Variants in NRG1 observed in about 807,000 individuals in gnomAD.
NRG1 encodes neuregulin 1, also known as pro-neuregulin-1, membrane-bound isoform.
In NRG1, 18 loss-of-function variants were observed where a neutral mutation model predicts 63.8. The observed-to-expected ratio is 0.28, with a 90% CI of 0.19 to 0.42. NRG1 has a LOEUF of 0.42. Ranked by LOEUF, NRG1 falls within the 10% of genes least tolerant of loss-of-function variation. The pLI, the probability that NRG1 is intolerant of heterozygous loss-of-function variation, is 1.00. For missense variants in NRG1, 762 were observed against 814.7 expected, an observed-to-expected ratio of 0.94 and a Z score of 0.79; for synonymous variants, 302 against 301.3, an observed-to-expected ratio of 1.00 and a Z score of -0.02.
At chr8:31,639,879 G>C (rs1008961880) in intron 1 of NRG1, 3 of 1,093,402 alleles carry the variant, frequency 2.7e-6, no homozygotes, top group East Asian at 6.1e-5. Flanking sequence ...GAGGGCAAGG[G>C]GGGAGGAGGA....
At chr8:32,432,418 A>G (rs556739589) in intron 1 of NRG1, among the ~76,000 whole-genome samples, 65 of 152,304 alleles carry the variant, frequency 4.3e-4, no homozygotes, top group African/African-American at 1.3e-3. Flanking sequence ...AAATTTGCCC[A>G]AGACCACATA....
chr8:32,563,932 T>C (rs1369280234), intron 1 of NRG1, among the ~76,000 whole-genome samples: 1 of 152,166 alleles, frequency 6.6e-6, no homozygotes, highest in Admixed American at 6.5e-5. Context: ...AGGATACCTC[T>C]TAAACTTTCT....
chr8:32,732,816 T>G (rs112584542), intron 6 of NRG1, among the ~76,000 whole-genome samples: 1 of 144,902 alleles, frequency 6.9e-6, no homozygotes, highest in Non-Finnish European at 1.5e-5. Flanking sequence ...TTTTTTTTTT[T>G]TTTTTTGAGA....
chr8:32,505,157 T>A (rs1828370253), intron 1 of NRG1, among the ~76,000 whole-genome samples: 1 of 152,144 alleles, frequency 6.6e-6, no homozygotes, highest in Non-Finnish European at 1.5e-5. Flanking sequence ...AACAGTAAAT[T>A]CTTCTGGTAG....
At chr8:32,175,695 A>G (rs1447513554) in intron 1 of NRG1, among the ~76,000 whole-genome samples, 1 of 152,214 alleles carries the variant, frequency 6.6e-6, no homozygotes, top group Non-Finnish European at 1.5e-5. Flanking sequence ...ATAACAGACA[A>G]ACAGAGAGCC....
At chr8:32,160,938 G>A (rs927170418) in intron 1 of NRG1, among the ~76,000 whole-genome samples, 1 of 152,094 alleles carries the variant, frequency 6.6e-6, no homozygotes, top group African/African-American at 2.4e-5. Context: ...TTATGGACTT[G>A]AATACCTACA....
chr8:32,406,203 A>C (rs891359327), intron 1 of NRG1, among the ~76,000 whole-genome samples: 2 of 152,130 alleles, frequency 1.3e-5, no homozygotes, highest in Non-Finnish European at 2.9e-5. Flanking sequence ...ATGACATAAT[A>C]GTGTCTCTCA....
At chr8:32,250,389 C>T (rs140826500) in intron 1 of NRG1, among the ~76,000 whole-genome samples, 3 of 152,196 alleles carry the variant, frequency 2.0e-5, no homozygotes, top group Non-Finnish European at 4.4e-5. Context: ...ATTAGTGGAT[C>T]ACAGACTTTT....
chr8:32,261,912 C>T (rs901272361), intron 1 of NRG1, among the ~76,000 whole-genome samples: 1 of 152,074 alleles, frequency 6.6e-6, no homozygotes, highest in Non-Finnish European at 1.5e-5. Context: ...GATTCATGCC[C>T]CCAGGCTTAC....
chr8:32,669,969 A>G (rs1427480454), intron 5 of NRG1, among the ~76,000 whole-genome samples: 1 of 152,204 alleles, frequency 6.6e-6, no homozygotes, highest in Non-Finnish European at 1.5e-5. Flanking sequence ...GTGTTTACCA[A>G]ACTGATGTCT....
intron 1 of NRG1, among the ~76,000 whole-genome samples, chr8:32,068,597 G>A (rs749264786): frequency 1.3e-5 from 2 of 152,078 alleles, no homozygotes; most frequent in Non-Finnish European, 2.9e-5. Context: ...GGGTTTCTTC[G>A]AGAGCCAAGA....
intron 1 of NRG1, among the ~76,000 whole-genome samples, chr8:32,318,213 G>A (rs1327146126): frequency 1.5e-4 from 23 of 152,126 alleles, no homozygotes; most frequent in Admixed American, 1.5e-3. Flanking sequence ...AAAACAGAGG[G>A]AAAATTTTGA....
At chr8:31,826,667 C>T (rs552292858) in intron 1 of NRG1, among the ~76,000 whole-genome samples, 1 of 152,304 alleles carries the variant, frequency 6.6e-6, no homozygotes, top group South Asian at 2.1e-4. Context: ...GAGTTTCAGT[C>T]ACTGTCCCAG....
chr8:32,563,354 T>C (rs1255055079), intron 1 of NRG1, among the ~76,000 whole-genome samples: 1 of 152,210 alleles, frequency 6.6e-6, no homozygotes, highest in African/African-American at 2.4e-5. Flanking sequence ...TTATCTTCTA[T>C]AGAATAACTT....
At chr8:32,205,473 G>A (rs1472675259) in intron 1 of NRG1, among the ~76,000 whole-genome samples, 1 of 152,092 alleles carries the variant, frequency 6.6e-6, no homozygotes, top group Non-Finnish European at 1.5e-5. Context: ...TTTTTCTCAT[G>A]AGAAATAAAA....
chr8:31,687,832 C>T (rs1434139843), intron 1 of NRG1, among the ~76,000 whole-genome samples: 1 of 152,246 alleles, frequency 6.6e-6, no homozygotes, highest in Non-Finnish European at 1.5e-5. Context: ...TAAACCACCT[C>T]CATTAGTAAA....
chr8:32,474,743 A>T lies in NRG1; in HGVS notation c.38-121085A>T, dbSNP rs565806523. On this transcript the variant is annotated intron_variant, in intron 1 of 10. Coordinates refer to the NRG1 transcript ENST00000519301. ...ATGGTCTCGAACTATTAACCTTGTG[A>T]TCTGCCCACCTCGGCCTCCCAAAGT... Among the ~76,000 whole-genome samples the T allele has an allele frequency of 6.6e-5, 10 of 151,882 alleles. No individual in the cohort carries two copies. The South Asian group carries it at 2.1e-3, about 32-fold the overall frequency.
chr8:31,691,787 C>A (rs1040069197), intron 1 of NRG1, among the ~76,000 whole-genome samples: 14 of 152,014 alleles, frequency 9.2e-5, no homozygotes, highest in Non-Finnish European at 1.9e-4. Context: ...AAAATCCCTT[C>A]TCTACAGAGA....
intron 1 of NRG1, among the ~76,000 whole-genome samples, chr8:31,992,467 T>G (rs1482742272): frequency 6.6e-6 from 1 of 151,942 alleles, no homozygotes; most frequent in Non-Finnish European, 1.5e-5. Flanking sequence ...AGAACAGCTT[T>G]TGATGTTAAA....
Sources: gnomAD v4.1 joint callset for allele counts (sites outside exome capture counted in the v4.1 genomes callset) on GRCh38, gnomAD v4.1.1 for gene constraint, MANE v1.5 for transcripts, NCBI Gene and HGNC (gene_info 2026-07-23, HGNC 2026-07-21) for gene names.